Variants in ASCC1 observed in about 807,000 individuals in gnomAD.
ASCC1 encodes the protein activating signal cointegrator 1 complex subunit 1.
Under a neutral mutation model 46.6 loss-of-function variants are expected in ASCC1, and 35 were observed. The observed-to-expected ratio is 0.75, with a 90% CI of 0.57 to 0.99. The LOEUF (loss-of-function observed/expected upper bound fraction) is 0.99. ASCC1 is among the 50% of genes least tolerant of loss of function. The probability of loss-of-function intolerance (pLI) is 0.00; values close to 1 mark genes in which losing one functional copy is unlikely to be tolerated. For synonymous variants in ASCC1, 143 were observed against 146.6 expected, an observed-to-expected ratio of 0.98 and a Z score of 0.18; for missense variants, 376 against 428.7, an observed-to-expected ratio of 0.88 and a Z score of 1.09.
chr10:72,203,551 ATT>A, intron 3 of ASCC1, 27 bp from the exon 4 acceptor site: 1 of 1,496,552 alleles, frequency 6.7e-7, no homozygotes, highest in South Asian at 1.1e-5. Flanking sequence ...TTAAAAGAAG[ATT>A]AAGTCAAAAT....
At chr10:72,190,113 G>A (rs2133165706) in intron 5 of ASCC1, 2 of 759,968 alleles carry the variant, frequency 2.6e-6, no homozygotes, top group East Asian at 4.9e-5. Flanking sequence ...ACCAAGCAAG[G>A]TTACATTATA....
intron 6 of ASCC1, among the ~76,000 whole-genome samples, chr10:72,154,998 A>G (rs1253483431): frequency 6.6e-6 from 1 of 152,246 alleles, no homozygotes; most frequent in Non-Finnish European, 1.5e-5. Flanking sequence ...AATGATATAT[A>G]AAACTGATAT....
chr10:72,114,854 T>TA (rs1843327047), intron 9 of ASCC1, among the ~76,000 whole-genome samples: 1 of 151,872 alleles, frequency 6.6e-6, no homozygotes, highest in African/African-American at 2.4e-5. Flanking sequence ...CTTTTTTTTT[T>TA]AAAGGCCAGG....
chr10:72,169,950 T>A (rs1850852434), intron 5 of ASCC1, among the ~76,000 whole-genome samples: 1 of 152,106 alleles, frequency 6.6e-6, no homozygotes, highest in Non-Finnish European at 1.5e-5. Context: ...TGAAACCCCG[T>A]CTCTACTAAA....
chr10:72,145,997 G>A (rs776837868), intron 7 of ASCC1, among the ~76,000 whole-genome samples: 1 of 152,092 alleles, frequency 6.6e-6, no homozygotes, highest in African/African-American at 2.4e-5. Context: ...ACATTCTATT[G>A]GAAAATAATG....
At chr10:72,148,419 T>A (rs889213641) in intron 7 of ASCC1, among the ~76,000 whole-genome samples, 5 of 152,224 alleles carry the variant, frequency 3.3e-5, no homozygotes, top group Non-Finnish European at 7.3e-5. Context: ...TAGAACACCA[T>A]CTTTACTTAA....
intron 4 of ASCC1, among the ~76,000 whole-genome samples, chr10:72,202,610 T>C (rs1180530579): frequency 6.6e-6 from 1 of 152,206 alleles, no homozygotes; most frequent in Non-Finnish European, 1.5e-5. Flanking sequence ...CTTTCTAACT[T>C]GATTTATACT....
chr10:72,176,745 CCTACCTCTTCCTTACT>C (rs1441606732), intron 5 of ASCC1, among the ~76,000 whole-genome samples: 1 of 152,148 alleles, frequency 6.6e-6, no homozygotes, highest in Non-Finnish European at 1.5e-5. Context: ...ACTCTTAACT[CCTACCTCTTCCTTACT>C]CTACCTCTTT....
At chr10:72,100,876 T>C (rs1841673753) in intron 9 of ASCC1, among the ~76,000 whole-genome samples, 2 of 152,194 alleles carry the variant, frequency 1.3e-5, no homozygotes, top group African/African-American at 2.4e-5. Flanking sequence ...TAGATGTCCA[T>C]GTACATCCCC....
At chr10:72,187,407 T>C (rs1853622552) in intron 5 of ASCC1, among the ~76,000 whole-genome samples, 1 of 151,344 alleles carries the variant, frequency 6.6e-6, no homozygotes, top group South Asian at 2.1e-4. Context: ...ATCGAGACCA[T>C]GACGGCTAAC....
chr10:72,171,329 C>T (rs999580786), intron 5 of ASCC1, among the ~76,000 whole-genome samples: 1 of 152,148 alleles, frequency 6.6e-6, no homozygotes, highest in African/African-American at 2.4e-5. Flanking sequence ...AGCTTTCTAG[C>T]TTCTAGAGGC....
intron 5 of ASCC1, among the ~76,000 whole-genome samples, chr10:72,180,392 T>C (rs1220802817): frequency 6.6e-6 from 1 of 151,890 alleles, no homozygotes; most frequent in Non-Finnish European, 1.5e-5. Context: ...TTGGTAGGCC[T>C]AGGCAGGCAG....
chr10:72,109,880 G>A (rs934041023), intron 9 of ASCC1, among the ~76,000 whole-genome samples: 4 of 152,176 alleles, frequency 2.6e-5, no homozygotes, highest in East Asian at 1.9e-4. Context: ...GCCTAATCTC[G>A]GCACAGGCTA....
At chr10:72,211,640 A>T (rs12249111) in intron 2 of ASCC1, among the ~76,000 whole-genome samples, 2 of 151,762 alleles carry the variant, frequency 1.3e-5, no homozygotes, top group African/African-American at 4.9e-5. Flanking sequence ...TGGCTATCAC[A>T]GTGAAACCCC....
At chr10:72,205,748 A>G (rs1329193305) in intron 3 of ASCC1, among the ~76,000 whole-genome samples, 1 of 152,134 alleles carries the variant, frequency 6.6e-6, no homozygotes, top group African/African-American at 2.4e-5. Context: ...GTAAGCAGAG[A>G]TCGCACCACT....
chr10:72,139,751 C>A (rs1390446791), intron 7 of ASCC1, among the ~76,000 whole-genome samples: 1 of 152,186 alleles, frequency 6.6e-6, no homozygotes, highest in East Asian at 1.9e-4. Flanking sequence ...AAATTTCAAG[C>A]TTTTGTTTGG....
chr10:72,102,157 A>C (rs545525504), intron 9 of ASCC1, among the ~76,000 whole-genome samples: 8 of 152,312 alleles, frequency 5.3e-5, no homozygotes, highest in Admixed American at 2.0e-4. Context: ...CAAAAGAAAC[A>C]TAGAAACGCC....
chr10:72,152,028 G>A (rs1248284095), intron 7 of ASCC1, among the ~76,000 whole-genome samples: 1 of 135,834 alleles, frequency 7.4e-6, no homozygotes, highest in Non-Finnish European at 1.6e-5. Flanking sequence ...GTCTCGCTCT[G>A]TCACCCAGGC....
chr10:72,159,079 T>G (rs1849322656), intron 6 of ASCC1: 1 of 152,198 alleles, frequency 6.6e-6, no homozygotes, highest in Admixed American at 6.5e-5. Flanking sequence ...GAGGCTTGCT[T>G]TATTTTACTC....
Sources: gnomAD v4.1 joint callset for allele counts (sites outside exome capture counted in the v4.1 genomes callset) on GRCh38, gnomAD v4.1.1 for gene constraint, MANE v1.5 for transcripts, NCBI Gene and HGNC (gene_info 2026-07-23, HGNC 2026-07-21) for gene names.